PAM: variants seen among roughly 807,000 people sequenced by gnomAD.
PAM encodes the protein peptidyl-glycine alpha-amidating monooxygenase.
In PAM, 72 loss-of-function variants were observed where a neutral mutation model predicts 122.1. That is an observed-to-expected ratio of 0.59 (90% CI 0.49 to 0.72). PAM has a LOEUF of 0.72. Ranked by LOEUF, PAM falls within the 30% of genes least tolerant of loss-of-function variation. The pLI is 0.00. For missense variants in PAM, 1,106 were observed against 1,183.7 expected, an observed-to-expected ratio of 0.93 and a Z score of 0.96; for synonymous variants, 389 against 404.4, an observed-to-expected ratio of 0.96 and a Z score of 0.46.
At chr5:102,851,074 A>T (rs2150729947) in intron 1 of PAM, among the ~76,000 whole-genome samples, 1 of 152,316 alleles carries the variant, frequency 6.6e-6, no homozygotes, top group South Asian at 2.1e-4. Context: ...GACTGTGAGG[A>T]GAACTCTGCT....
At chr5:102,800,177 TTGC>T (rs919388872) in intron 1 of PAM, among the ~76,000 whole-genome samples, 3 of 152,248 alleles carry the variant, frequency 2.0e-5, no homozygotes, top group Non-Finnish European at 4.4e-5. Context: ...ACCTTTGTTC[TTGC>T]TGCTTTCTAT....
At chr5:102,924,629 C>G (rs1373295573) in intron 5 of PAM, among the ~76,000 whole-genome samples, 1 of 151,686 alleles carries the variant, frequency 6.6e-6, no homozygotes, top group East Asian at 1.9e-4. Flanking sequence ...TTATACAGAC[C>G]GTCTATGTAA....
chr5:102,974,055 T>G, intron 14 of PAM, 61 bp from the exon 15 acceptor site: 1 of 1,146,418 alleles, frequency 8.7e-7, no homozygotes, highest in Admixed American at 2.3e-5. Flanking sequence ...AGCACCAAAT[T>G]TTGTAAATTT....
At chr5:102,758,440 G>A (rs138115402) in intron 1 of PAM, among the ~76,000 whole-genome samples, 2 of 152,240 alleles carry the variant, frequency 1.3e-5, no homozygotes, top group Non-Finnish European at 2.9e-5. Context: ...CCTGGAAGCC[G>A]TGTCATCTGG....
At chr5:103,024,737 A>T (rs1181911949) in intron 23 of PAM, among the ~76,000 whole-genome samples, 1 of 152,214 alleles carries the variant, frequency 6.6e-6, no homozygotes, top group African/African-American at 2.4e-5. Flanking sequence ...GCCCAAAGTT[A>T]TACGGCTAGT....
intron 11 of PAM, 41 bp from the exon 12 acceptor site, chr5:102,950,676 T>C: frequency 8.6e-7 from 1 of 1,167,510 alleles, no homozygotes; most frequent in East Asian, 2.3e-5. Context: ...CTGGATTTTA[T>C]TGGTAATATT....
At chr5:102,840,648 T>C (rs1778323724) in intron 1 of PAM, among the ~76,000 whole-genome samples, 1 of 152,194 alleles carries the variant, frequency 6.6e-6, no homozygotes, top group Admixed American at 6.5e-5. Flanking sequence ...TGATATATTT[T>C]CCATATATTT....
chr5:102,766,080 G>A (rs1323020834), intron 1 of PAM, among the ~76,000 whole-genome samples: 4 of 152,098 alleles, frequency 2.6e-5, no homozygotes, highest in Non-Finnish European at 4.4e-5. Flanking sequence ...TAAATTAGAT[G>A]TAGAGCTAGT....
chr5:102,933,455 C>T (rs1752243480), intron 7 of PAM, among the ~76,000 whole-genome samples: 1 of 152,214 alleles, frequency 6.6e-6, no homozygotes, highest in African/African-American at 2.4e-5. Flanking sequence ...TGCATTATTC[C>T]ATGCTGGCTG....
intron 1 of PAM, among the ~76,000 whole-genome samples, chr5:102,855,580 T>C (rs1782425263): frequency 6.6e-6 from 1 of 152,198 alleles, no homozygotes; most frequent in South Asian, 2.1e-4. Flanking sequence ...ATTTTGTAAC[T>C]GCATGGTCTG....
intron 1 of PAM, among the ~76,000 whole-genome samples, chr5:102,840,870 T>C (rs1273928098): frequency 2.0e-5 from 3 of 152,202 alleles, no homozygotes; most frequent in Non-Finnish European, 4.4e-5. Flanking sequence ...TGTCCTTTTT[T>C]AATTGAGCAG....
chr5:102,789,886 C>CGT, intron 1 of PAM, among the ~76,000 whole-genome samples: 1 of 152,018 alleles, frequency 6.6e-6, no homozygotes, highest in African/African-American at 2.4e-5. Context: ...AGAAAAGAAA[C>CGT]TAACAAGACA....
chr5:102,918,562 A>G (rs943894821), intron 5 of PAM, among the ~76,000 whole-genome samples: 2 of 152,114 alleles, frequency 1.3e-5, no homozygotes, highest in African/African-American at 4.8e-5. Context: ...TTTTGAGGAT[A>G]TCTTGGAAAT....
At chr5:102,894,979 A>G (rs1038322718) in intron 3 of PAM, among the ~76,000 whole-genome samples, 10 of 149,806 alleles carry the variant, frequency 6.7e-5, no homozygotes, top group Non-Finnish European at 1.2e-4. Flanking sequence ...GTTAATTTCC[A>G]TGTCATTTTC....
intron 1 of PAM, among the ~76,000 whole-genome samples, chr5:102,769,976 A>T (rs940266613): frequency 6.6e-5 from 10 of 152,054 alleles, no homozygotes; most frequent in African/African-American, 9.7e-5. Context: ...GATTCTTCCA[A>T]TCCATGATCA....
At chr5:102,953,784 C>T (rs996879591) in intron 12 of PAM, among the ~76,000 whole-genome samples, 1 of 152,112 alleles carries the variant, frequency 6.6e-6, no homozygotes, top group Non-Finnish European at 1.5e-5. Context: ...GAGGCCAAGG[C>T]GGGCAGATTG....
At chr5:103,014,291 A>G (rs1038096484) in intron 21 of PAM, among the ~76,000 whole-genome samples, 6 of 152,218 alleles carry the variant, frequency 3.9e-5, no homozygotes, top group South Asian at 2.1e-4. Flanking sequence ...AGAGTTCTCA[A>G]TTAAAATTTC....
intron 1 of PAM, among the ~76,000 whole-genome samples, chr5:102,852,000 C>T (rs964637936): frequency 1.3e-5 from 2 of 152,124 alleles, no homozygotes; most frequent in Non-Finnish European, 2.9e-5. Flanking sequence ...GCCAAAAAAG[C>T]AGTAATCTGT....
At chr5:102,881,127 C>CTT in intron 3 of PAM, among the ~76,000 whole-genome samples, 1 of 101,550 alleles carries the variant, frequency 9.8e-6, no homozygotes, top group South Asian at 4.1e-4. Flanking sequence ...AATTTTTATA[C>CTT]ATACACACAC....
Sources: allele counts gnomAD v4.1 joint callset (sites outside exome capture counted in the v4.1 genomes callset), GRCh38; gene constraint gnomAD v4.1.1; transcripts MANE v1.5; gene names NCBI Gene and HGNC (gene_info 2026-07-23, HGNC 2026-07-21).